Variants in MSRB3 observed in about 807,000 individuals in gnomAD.
MSRB3 encodes the protein methionine sulfoxide reductase B3.
MSRB3 carries 13 observed loss-of-function variants against 21.0 expected under a neutral mutation model. The ratio of observed to expected loss-of-function variants is 0.62; its 90% confidence interval spans 0.40 to 0.98. The LOEUF (loss-of-function observed/expected upper bound fraction) is 0.98, where lower values mean the gene tolerates loss of function less well. MSRB3 is among the 50% of genes least tolerant of loss of function. The probability of loss-of-function intolerance (pLI) is 0.00; values close to 1 mark genes in which losing one functional copy is unlikely to be tolerated. For synonymous variants in MSRB3, 87 were observed against 88.6 expected (o/e 0.98, Z 0.10); for missense variants, 199 against 230.3 (o/e 0.86, Z 0.88).
chr12:65,404,424 T>A (rs1284610660), intron 5 of MSRB3, among the ~76,000 whole-genome samples: 1 of 152,238 alleles, frequency 6.6e-6, no homozygotes, highest in Non-Finnish European at 1.5e-5. Flanking sequence ...CAGTAAGTTA[T>A]AAACACTGAA....
At chr12:65,350,091 G>A (rs1050082730) in intron 4 of MSRB3, among the ~76,000 whole-genome samples, 6 of 151,996 alleles carry the variant, frequency 3.9e-5, no homozygotes, top group African/African-American at 1.2e-4. Context: ...TTTGTATAAG[G>A]TGTAAGGAAG....
intron 1 of MSRB3, among the ~76,000 whole-genome samples, chr12:65,299,948 A>G (rs969028055): frequency 1.3e-5 from 2 of 152,240 alleles, no homozygotes; most frequent in Non-Finnish European, 2.9e-5. Flanking sequence ...AATGTGAGCT[A>G]TTAATGTGGT....
At chr12:65,372,858 T>C (rs1878399698) in intron 5 of MSRB3, among the ~76,000 whole-genome samples, 1 of 152,210 alleles carries the variant, frequency 6.6e-6, no homozygotes, top group South Asian at 2.1e-4. Flanking sequence ...CTTTCTATCA[T>C]CTGGATGGGG....
intron 5 of MSRB3, among the ~76,000 whole-genome samples, chr12:65,451,565 A>C (rs973175787): frequency 1.3e-5 from 2 of 152,122 alleles, no homozygotes; most frequent in Non-Finnish European, 2.9e-5. Context: ...TTGGCAAGTA[A>C]CTTATCCTTC....
At chr12:65,416,185 GT>G (rs1219460093) in intron 5 of MSRB3, among the ~76,000 whole-genome samples, 1 of 152,170 alleles carries the variant, frequency 6.6e-6, no homozygotes, top group Non-Finnish European at 1.5e-5. Flanking sequence ...CTTTGCCTTT[GT>G]TTTTTCCCAT....
intron 2 of MSRB3, among the ~76,000 whole-genome samples, chr12:65,324,627 C>T (rs79780786): frequency 0.014 from 2,178 of 152,100 alleles, 43 homozygotes; most frequent in East Asian, 0.056. Flanking sequence ...TTATTCTCTT[C>T]GGAAAAGAGA....
rs1883553589 is a variant in MSRB3 at position 65,465,970 on chromosome 12, G to C, written c.*2648G>C. On this transcript the variant is annotated 3_prime_UTR_variant, in exon 7 of 7. Coordinates refer to ENST00000308259, the MANE Select transcript of MSRB3 (RefSeq NM_001031679.3). ...CCTCTCGGCTGCTCCAGCTCTGTAGGATAGCCTCCCCTGGGGTCCGTGGGA... is the reference window on the plus strand; with the variant it reads ...CCTCTCGGCTGCTCCAGCTCTGTAGCATAGCCTCCCCTGGGGTCCGTGGGA... The C allele has an allele frequency of 6.6e-6, 1 of 152,152 alleles. No homozygotes were observed. The highest frequency in any genetic ancestry group is 2.1e-4 in the South Asian group (1 of 4,832). The allele number at this position is 152,152 out of a possible 1,614,324, so 9.4% of individuals were successfully genotyped here. A position where few individuals can be genotyped will look rare whatever the true frequency, so the allele number is the denominator to read the frequency against.
chr12:65,452,207 A>G (rs995635525), intron 5 of MSRB3, among the ~76,000 whole-genome samples: 1 of 152,202 alleles, frequency 6.6e-6, no homozygotes, highest in Non-Finnish European at 1.5e-5. Context: ...CCCTCCCACA[A>G]TATCAGTTGC....
At chr12:65,398,352 A>C (rs146047217) in intron 5 of MSRB3, among the ~76,000 whole-genome samples, 6 of 152,248 alleles carry the variant, frequency 3.9e-5, no homozygotes, top group African/African-American at 1.4e-4. Flanking sequence ...GCATTTCTCT[A>C]ATGATCAGTG....
intron 5 of MSRB3, among the ~76,000 whole-genome samples, chr12:65,445,484 T>C (rs1054946511): frequency 3.3e-5 from 5 of 150,516 alleles, no homozygotes; most frequent in Admixed American, 2.0e-4. Flanking sequence ...GACAGCTAGA[T>C]GAGAAAGCAG....
chr12:65,360,979 A>AT (rs573431870), intron 4 of MSRB3, among the ~76,000 whole-genome samples: 2 of 151,842 alleles, frequency 1.3e-5, no homozygotes, highest in African/African-American at 4.8e-5. Flanking sequence ...CTATTCTCTT[A>AT]TTTTTTTCCT....
At chr12:65,280,752 G>T (rs1168812783) in intron 1 of MSRB3, among the ~76,000 whole-genome samples, 1 of 152,112 alleles carries the variant, frequency 6.6e-6, no homozygotes, top group African/African-American at 2.4e-5. Flanking sequence ...ATGTAATTTA[G>T]ATTTTGAATC....
intron 4 of MSRB3, among the ~76,000 whole-genome samples, chr12:65,366,212 C>A (rs1217102136): frequency 6.6e-6 from 1 of 152,176 alleles, no homozygotes; most frequent in East Asian, 1.9e-4. Context: ...TTCTATGCCA[C>A]ACCTTTTTCC....
At chr12:65,393,168 C>G (rs915214676) in intron 5 of MSRB3, among the ~76,000 whole-genome samples, 1 of 151,496 alleles carries the variant, frequency 6.6e-6, no homozygotes, top group Non-Finnish European at 1.5e-5. Context: ...ATGTTGTATG[C>G]ATTTACCTTT....
intron 1 of MSRB3, 103 bp downstream of exon 1, chr12:65,278,968 G>A: frequency 6.6e-7 from 1 of 1,504,042 alleles, no homozygotes; most frequent in Non-Finnish European, 8.9e-7. Context: ...TTCTGCGCCT[G>A]CTGCGCCCCC....
chr12:65,278,940 C>A (rs1871829595), intron 1 of MSRB3, 75 bp downstream of exon 1: 3 of 1,521,966 alleles, frequency 2.0e-6, no homozygotes, highest in Admixed American at 4.0e-5. Context: ...TAGGGTGTGA[C>A]CCCGAGCCGG....
chr12:65,358,043 T>C (rs777963829), intron 4 of MSRB3, among the ~76,000 whole-genome samples: 1 of 151,918 alleles, frequency 6.6e-6, no homozygotes, highest in Non-Finnish European at 1.5e-5. Flanking sequence ...AGGCAGAGTA[T>C]CTCTACATAA....
intron 2 of MSRB3, among the ~76,000 whole-genome samples, chr12:65,315,850 A>G (rs1426370733): frequency 2.6e-5 from 4 of 152,154 alleles, no homozygotes; most frequent in Non-Finnish European, 5.9e-5. Flanking sequence ...GAAGGAATGG[A>G]ATGTTAATTT....
chr12:65,282,693 T>TTTTTTTTTTTG (rs1872106514), intron 1 of MSRB3, among the ~76,000 whole-genome samples: 1 of 148,460 alleles, frequency 6.7e-6, no homozygotes. Context: ...TTTTTTTTTT[T>TTTTTTTTTTTG]CTCTTCATGG....
Sources: gnomAD v4.1 joint callset for allele counts (sites outside exome capture counted in the v4.1 genomes callset) on GRCh38, gnomAD v4.1.1 for gene constraint, MANE v1.5 for transcripts, NCBI Gene and HGNC (gene_info 2026-07-23, HGNC 2026-07-21) for gene names.